Variants in ARID3C observed in about 807,000 individuals in gnomAD.
The protein encoded by ARID3C is AT-rich interactive domain-containing protein 3C.
A neutral mutation model predicts 37.9 loss-of-function variants in ARID3C; 42 were observed. That is an observed-to-expected ratio of 1.11 (90% CI 0.87 to 1.43). The LOEUF (loss-of-function observed/expected upper bound fraction) is 1.43, where lower values mean the gene tolerates loss of function less well. ARID3C is among the 40% of genes most tolerant of loss of function. The pLI, the probability that ARID3C is intolerant of heterozygous loss-of-function variation, is 0.00. For missense variants in ARID3C, 581 were observed against 548.8 expected, an observed-to-expected ratio of 1.06 and a Z score of -0.59; for synonymous variants, 213 against 228.0, an observed-to-expected ratio of 0.93 and a Z score of 0.59.
upstream of ARID3C, among the ~76,000 whole-genome samples, chr9:34,630,247 C>G (rs1481867692): frequency 2.0e-5 from 3 of 152,192 alleles, no homozygotes; most frequent in South Asian, 6.2e-4. Flanking sequence ...GCGCCCTCCC[C>G]CTAACTATTC....
intron 1 of ARID3C, among the ~76,000 whole-genome samples, chr9:34,627,143 G>A (rs535700083): frequency 6.6e-6 from 1 of 152,326 alleles, no homozygotes; most frequent in Non-Finnish European, 1.5e-5. Context: ...AGATTTGCAT[G>A]GGGCCAGGGT....
chr9:34,621,723 T>G (rs1820565553), intron 6 of ARID3C, among the ~76,000 whole-genome samples, 165 bp from the exon 8 acceptor site: 1 of 152,032 alleles, frequency 6.6e-6, no homozygotes, highest in Non-Finnish European at 1.5e-5. Context: ...AGTAAGAGAC[T>G]CCATTGCTAA....
At position 34,627,984 on chromosome 9, in the gene ARID3C, G is replaced by C. The variant is rs528829620; in HGVS notation, c.31C>G (p.Arg11Gly). ...AATGGCCCCACCCCCTGGGCCAGCCGAGCTGCCTGCTGCTTCTGCAGGGCC... is the reference window on the plus strand; with the variant it reads ...AATGGCCCCACCCCCTGGGCCAGCCCAGCTGCCTGCTGCTTCTGCAGGGCC... Residue 11 changes from arginine (R) to glycine (G), a missense_variant, in exon 1 of 7, where the codon CGG becomes GGG. Physicochemically the swap from Arg to Gly is moderately radical, Grantham distance 125. Coordinates refer to ENST00000378909, the Ensembl canonical transcript of ARID3C. The C allele has an allele frequency of 2.6e-6, 4 of 1,518,108 alleles. No homozygotes were observed. Among genetic ancestry groups the C allele is most frequent in the East Asian group, 4.9e-5 (2 of 40,682 alleles). The allele number at this position is 1,518,108 out of a possible 1,614,324, so 94.0% of individuals were successfully genotyped here. A position where few individuals can be genotyped will look rare whatever the true frequency, so the allele number is the denominator to read the frequency against.
At chr9:34,623,460 G>A in exon 4 of ARID3C, 1 of 1,536,328 alleles carries the variant, frequency 6.5e-7, no homozygotes, top group Non-Finnish European at 8.7e-7. Context: ...CTGAGCGCAT[G>A]CATGCGCTGG....
intron 2 of ARID3C, among the ~76,000 whole-genome samples, chr9:34,624,538 C>A (rs1564091345): frequency 6.6e-6 from 1 of 152,220 alleles, no homozygotes; most frequent in Admixed American, 6.5e-5. Context: ...GCTGAAGAGC[C>A]GGCCTCCCCT....
rs372285847 is a variant in ARID3C, at chr9:34,621,561, G to A, written c.1139-3C>T. 5.1e-6 allele frequency: 8 copies of A among 1,575,866 alleles called. No individual in the cohort carries two copies. The highest frequency in any genetic ancestry group is 6.0e-6 in the Non-Finnish European group (7 of 1,167,568). On this transcript the variant is annotated splice_region_variant and splice_polypyrimidine_tract_variant and intron_variant, in intron 6 of 6. Transcript: ENST00000378909. ...CTGGCGGCGGGCAAAGAGGACACCTGGCAAAGGGGTGAGGAGATGGTAGAG... is the reference window on the plus strand; with the variant it reads ...CTGGCGGCGGGCAAAGAGGACACCTAGCAAAGGGGTGAGGAGATGGTAGAG...
intron 1 of ARID3C, 50 bp from the exon 3 acceptor site, chr9:34,625,864 C>A: frequency 6.2e-7 from 1 of 1,600,960 alleles, no homozygotes; most frequent in Admixed American, 1.7e-5. Context: ...CCCCCTCCCT[C>A]CCTTGACCCC....
intron 2 of ARID3C, among the ~76,000 whole-genome samples, chr9:34,625,421 G>C (rs1277129227): frequency 6.6e-6 from 1 of 152,188 alleles, no homozygotes; most frequent in African/African-American, 2.4e-5. Context: ...GGAAGACATG[G>C]CTGGAGGAAG....
intron 4 of ARID3C, 45 bp downstream of exon 5, chr9:34,623,380 C>T: frequency 6.8e-7 from 1 of 1,472,308 alleles, no homozygotes; most frequent in Middle Eastern, 1.8e-4. Context: ...TAGCGCCCAC[C>T]TAAACCTCAG....
exon 2 of ARID3C, chr9:34,625,770 A>T (rs999180943): frequency 1.2e-6 from 2 of 1,613,978 alleles, no homozygotes; most frequent in East Asian, 2.2e-5. Flanking sequence ...TAAACAGGTC[A>T]TCCAGAAATT....
chr9:34,624,221 G>GGA (rs1820624571), intron 2 of ARID3C, among the ~76,000 whole-genome samples, 174 bp from the exon 4 acceptor site: 2 of 151,840 alleles, frequency 1.3e-5, no homozygotes, highest in African/African-American at 2.4e-5. Flanking sequence ...GGCTAGAACG[G>GGA]GGGGGGGCAA....
intron 6 of ARID3C, 116 bp from the exon 8 acceptor site, chr9:34,621,674 ACCC>A: frequency 1.4e-6 from 1 of 739,188 alleles, no homozygotes; most frequent in Non-Finnish European, 2.2e-6. Flanking sequence ...CTACACACGT[ACCC>A]CTGCCACAAA....
At chr9:34,627,168 C>T (rs57015339) in intron 1 of ARID3C, among the ~76,000 whole-genome samples, 10,955 of 152,152 alleles carry the variant, frequency 0.072, 1,346 homozygotes, top group African/African-American at 0.25. Flanking sequence ...GAGGAGGTGA[C>T]AGGAAAGAAA....
At chr9:34,632,420 G>A (rs533009251), upstream of ARID3C, among the ~76,000 whole-genome samples, 128 of 152,270 alleles carry the variant, frequency 8.4e-4, 6 homozygotes, top group South Asian at 0.026. Flanking sequence ...CTTGGAGTAG[G>A]CCCTTGTAAG....
At chr9:34,628,596 G>T (rs1820690314), upstream of ARID3C, among the ~76,000 whole-genome samples, 1 of 152,156 alleles carries the variant, frequency 6.6e-6, no homozygotes, top group South Asian at 2.1e-4. The surrounding 1 kb of genome is among the most constrained non-coding windows in gnomAD (Gnocchi z 5.2). Context: ...TAAGTGACAG[G>T]TAGCTCAGAG....
upstream of ARID3C, among the ~76,000 whole-genome samples, chr9:34,631,218 T>G (rs1387213421): frequency 6.6e-6 from 1 of 152,108 alleles, no homozygotes; most frequent in Admixed American, 6.5e-5. Flanking sequence ...TTCTGAGTGT[T>G]TGGAGATCGC....
At chr9:34,631,234 AG>A (rs1359819019), upstream of ARID3C, among the ~76,000 whole-genome samples, 1 of 152,104 alleles carries the variant, frequency 6.6e-6, no homozygotes, top group East Asian at 1.9e-4. Flanking sequence ...ATCGCTTTGT[AG>A]GGTTTGGGTT....
intron 2 of ARID3C, among the ~76,000 whole-genome samples, 172 bp from the exon 4 acceptor site, chr9:34,624,219 C>CAGGGG (rs139887499): frequency 2.0e-5 from 3 of 150,016 alleles, no homozygotes; most frequent in Non-Finnish European, 3.0e-5. Context: ...GAGGCTAGAA[C>CAGGGG]GGGGGGGGGC....
At chr9:34,625,412 G>A (rs10972175) in intron 2 of ARID3C, among the ~76,000 whole-genome samples, 57,613 of 152,086 alleles carry the variant, frequency 0.38, 11,431 homozygotes, top group African/African-American at 0.48. Context: ...GGAAAACAGG[G>A]AAGACATGGC....
Sources: allele counts gnomAD v4.1 joint callset (sites outside exome capture counted in the v4.1 genomes callset), GRCh38; gene constraint gnomAD v4.1.1; non-coding constraint Gnocchi (gnomAD v3.1); transcripts MANE v1.5; gene names NCBI Gene and HGNC (gene_info 2026-07-23, HGNC 2026-07-21).